KLF7: variants seen among roughly 807,000 people sequenced by gnomAD.
KLF7 encodes Krueppel-like factor 7.
A neutral mutation model predicts 27.3 loss-of-function variants in KLF7; 2 were observed. That is an observed-to-expected ratio of 0.07 (90% CI 0.03 to 0.23). KLF7 has a LOEUF of 0.23. Among genes scored for constraint, KLF7 ranks in the 10% least tolerant of loss-of-function variants. The pLI, the probability that KLF7 is intolerant of heterozygous loss-of-function variation, is 1.00. For synonymous variants in KLF7, 165 were observed against 162.4 expected, an observed-to-expected ratio of 1.02 and a Z score of -0.12; for missense variants, 221 against 394.1, an observed-to-expected ratio of 0.56 and a Z score of 3.72.
intron 1 of KLF7, among the ~76,000 whole-genome samples, chr2:207,134,626 C>T (rs960234211): frequency 4.6e-5 from 7 of 152,248 alleles, no homozygotes; most frequent in Middle Eastern, 3.4e-3. Flanking sequence ...GACTTGATTT[C>T]CCACAATGTT....
intron 1 of KLF7, among the ~76,000 whole-genome samples, chr2:207,158,881 A>G (rs1409206515): frequency 6.6e-6 from 1 of 152,240 alleles, no homozygotes; most frequent in Non-Finnish European, 1.5e-5. Context: ...AGGTATATTC[A>G]GGTGACAGAA....
In KLF7 at chr2:207,078,953, C is replaced by T. The variant is rs1041560669; in HGVS notation, c.*2260G>A. ...TTTGGAATAAAACTGATTTTTAATA[C>T]CCTCCAACTAACATACATACAATTG... is the stretch of plus-strand genomic sequence containing the variant. On this transcript the variant is annotated 3_prime_UTR_variant, in exon 4 of 4. Coordinates refer to ENST00000309446, the MANE Select transcript of KLF7 (RefSeq NM_003709.4). The T allele has an allele frequency of 1.3e-5, 2 of 152,144 alleles. No homozygotes were observed. The highest frequency in any genetic ancestry group is 4.8e-5 in the African/African-American group (2 of 41,414). 9.4% of individuals were successfully genotyped at this position (152,144 alleles called of 1,614,324 possible).
upstream of KLF7, chr2:207,166,483 C>T (rs1574612129): frequency 6.6e-6 from 1 of 151,550 alleles, no homozygotes; most frequent in South Asian, 2.1e-4. Flanking sequence ...CTCCGACCCT[C>T]CACTAGATGC....
intron 2 of KLF7, among the ~76,000 whole-genome samples, chr2:207,111,965 C>T (rs1352611355): frequency 2.6e-5 from 4 of 151,972 alleles, no homozygotes. Context: ...ACTTTTCAAT[C>T]TGTATCCTGC....
chr2:207,085,056 G>T (rs186621253), intron 3 of KLF7, among the ~76,000 whole-genome samples: 11 of 149,910 alleles, frequency 7.3e-5, no homozygotes, highest in African/African-American at 2.7e-4. Flanking sequence ...CAGCTTCTTA[G>T]GAGGCTGAGG....
At chr2:207,158,045 A>G (rs2078439376) in intron 1 of KLF7, among the ~76,000 whole-genome samples, 1 of 152,172 alleles carries the variant, frequency 6.6e-6, no homozygotes, top group South Asian at 2.1e-4. Context: ...CCTGAAACCC[A>G]GGGAAATATC....
In KLF7 at chr2:207,076,542, TAA is replaced by T. The variant is rs1044239632; in HGVS notation, c.*4669_*4670del. The T allele has an allele frequency of 2.6e-5, 4 of 152,302 alleles. No individual in the cohort carries two copies. The highest frequency in any genetic ancestry group is 9.6e-5 in the African/African-American group (4 of 41,560). The allele number at this position is 152,302 out of a possible 1,614,324, so 9.4% of individuals were successfully genotyped here. ...CTATTAGGAACCAACAGAGGAGATT[TAA>T]GAGTGTTAAAAGCAAGAAAAAACCC... On this transcript the variant is annotated 3_prime_UTR_variant, in exon 4 of 4. Coordinates refer to ENST00000309446, the MANE Select transcript of KLF7 (RefSeq NM_003709.4).
At chr2:207,172,449 AC>A in the KLF7 span, among the ~76,000 whole-genome samples, 2 of 152,214 alleles carry the variant, frequency 1.3e-5, no homozygotes, top group African/African-American at 4.8e-5. Context: ...GTCATGTAAA[AC>A]TTTGATTAAA....
At chr2:207,166,732 C>A (rs1019444519), upstream of KLF7, 67 of 914,222 alleles carry the variant, frequency 7.3e-5, 1 homozygote, top group Non-Finnish European at 7.3e-5. Context: ...CCGCGCGAGG[C>A]GGTGCCGGGG....
chr2:207,113,276 TTTGAG>T (rs1478133367), intron 2 of KLF7, among the ~76,000 whole-genome samples: 2 of 152,130 alleles, frequency 1.3e-5, no homozygotes, highest in South Asian at 2.1e-4. Flanking sequence ...AAAGCTGTCA[TTTGAG>T]TTATGTCTTC....
At chr2:207,171,104 A>G (rs181597896), upstream of KLF7, among the ~76,000 whole-genome samples, 15 of 151,048 alleles carry the variant, frequency 9.9e-5, 1 homozygote, top group East Asian at 2.9e-3. Flanking sequence ...CAGAATATCA[A>G]CATTAACAGG....
At chr2:207,126,109 T>C (rs761143602) in intron 1 of KLF7, among the ~76,000 whole-genome samples, 3 of 152,192 alleles carry the variant, frequency 2.0e-5, no homozygotes, top group Non-Finnish European at 4.4e-5. Flanking sequence ...TAGAAACCAG[T>C]ATGATGACCT....
chr2:207,078,976 T>C lies in KLF7; in HGVS notation c.*2237A>G, dbSNP rs2076221464. 1 of 152,210 alleles carries C rather than the reference T, an allele frequency of 6.6e-6. No individual in the cohort carries two copies. Among genetic ancestry groups the C allele is most frequent in the Non-Finnish European group, 1.5e-5 (1 of 68,030 alleles). The allele number at this position is 152,210 out of a possible 1,614,324, so 9.4% of individuals were successfully genotyped here. A position where few individuals can be genotyped will look rare whatever the true frequency, so the allele number is the denominator to read the frequency against. ...TACCCTCCAACTAACATACATACAATTGCCTCCGGCAAATGGACAGATTTT... is the reference window on the plus strand; with the variant it reads ...TACCCTCCAACTAACATACATACAACTGCCTCCGGCAAATGGACAGATTTT... On this transcript the variant is annotated 3_prime_UTR_variant, in exon 4 of 4. Coordinates refer to ENST00000309446, the MANE Select transcript of KLF7 (RefSeq NM_003709.4).
intron 1 of KLF7, among the ~76,000 whole-genome samples, chr2:207,141,947 A>T (rs934865842): frequency 6.6e-6 from 1 of 151,988 alleles, no homozygotes; most frequent in Non-Finnish European, 1.5e-5. Flanking sequence ...CTGCACTTTC[A>T]TTCGGCCCTG....
intron 1 of KLF7, among the ~76,000 whole-genome samples, chr2:207,139,789 A>T (rs1371770791): frequency 1.3e-5 from 2 of 152,252 alleles, no homozygotes; most frequent in Non-Finnish European, 1.5e-5. Flanking sequence ...TTGAATTGTT[A>T]AAAGCAAATG....
Position 207,133,629 on chromosome 2 carries a change from T to C in KLF7, c.103-9225A>G, listed in dbSNP as rs1574528531. Reference sequence around the variant, plus strand: ...ACGAGCGCTTGTGTCAGGCAGGGCCTGATGCTTCAGAAACCTGTAATTATT... The same window carrying C: ...ACGAGCGCTTGTGTCAGGCAGGGCCCGATGCTTCAGAAACCTGTAATTATT... On this transcript the variant is annotated intron_variant, in intron 1 of 3. Transcript: ENST00000309446. Among the ~76,000 whole-genome samples, 2 of 152,274 alleles carry C rather than the reference T, an allele frequency of 1.3e-5. 1 individual carries two copies. The highest frequency in any genetic ancestry group is 4.8e-5 in the African/African-American group (2 of 41,562).
At chr2:207,117,156 T>C (rs769381564) in intron 2 of KLF7, among the ~76,000 whole-genome samples, 6 of 152,238 alleles carry the variant, frequency 3.9e-5, no homozygotes, top group Non-Finnish European at 8.8e-5. Flanking sequence ...AAAGCCTATA[T>C]TTATTATCAT....
chr2:207,115,650 G>A (rs2077159254), intron 2 of KLF7, among the ~76,000 whole-genome samples: 1 of 152,178 alleles, frequency 6.6e-6, no homozygotes, highest in Admixed American at 6.5e-5. Context: ...TTTAGAAAAT[G>A]TAGAAAATCC....
intron 2 of KLF7, among the ~76,000 whole-genome samples, chr2:207,117,929 C>T (rs2077233195): frequency 6.6e-6 from 1 of 152,222 alleles, no homozygotes; most frequent in Non-Finnish European, 1.5e-5. Flanking sequence ...ATGGACCACC[C>T]TGTTCTCCTT....
Sources: allele counts gnomAD v4.1 joint callset (sites outside exome capture counted in the v4.1 genomes callset), GRCh38; gene constraint gnomAD v4.1.1; transcripts MANE v1.5; gene names NCBI Gene and HGNC (gene_info 2026-07-23, HGNC 2026-07-21).